The following NT5C2 variants were observed in gnomAD, a reference collection of about 807,000 sequenced individuals.
The protein encoded by NT5C2 is 5'-nucleotidase, cytosolic II.
In NT5C2, 58 loss-of-function variants were observed where a neutral mutation model predicts 76.1. That is an observed-to-expected ratio of 0.76 (90% CI 0.62 to 0.95). The LOEUF (loss-of-function observed/expected upper bound fraction) is 0.95, where lower values mean the gene tolerates loss of function less well. NT5C2 is among the 40% of genes least tolerant of loss of function. The probability of loss-of-function intolerance (pLI) is 0.00; values close to 1 mark genes in which losing one functional copy is unlikely to be tolerated. For missense variants in NT5C2, 478 were observed against 690.3 expected (o/e 0.69, Z 3.45); for synonymous variants, 229 against 237.4 (o/e 0.96, Z 0.32).
chr10:103,131,632 A>C (rs548566174), intron 4 of NT5C2, among the ~76,000 whole-genome samples: 1 of 152,346 alleles, frequency 6.6e-6, no homozygotes, highest in East Asian at 1.9e-4. Flanking sequence ...TAAAAGTCTC[A>C]AAGCAACGCC....
In NT5C2 at chr10:103,174,968, A is replaced by C; in HGVS notation, c.-10T>G. ...TCCAGGAGGTTGACATTTTATTTTAACTGTATTTTGTATTCTAGAAAAGAA... is the reference window on the plus strand; with the variant it reads ...TCCAGGAGGTTGACATTTTATTTTACCTGTATTTTGTATTCTAGAAAAGAA... On this transcript the variant is annotated 5_prime_UTR_variant, in exon 3 of 19. Coordinates refer to ENST00000404739, the MANE Select transcript of NT5C2 (RefSeq NM_001351169.2). 6.4e-7 allele frequency: 1 copy of C among 1,557,244 alleles called. No homozygotes were observed. The highest frequency in any genetic ancestry group is 1.1e-5 in the South Asian group (1 of 90,074).
At chr10:103,134,195 T>C (rs1301383053) in intron 4 of NT5C2, among the ~76,000 whole-genome samples, 1 of 152,130 alleles carries the variant, frequency 6.6e-6, no homozygotes, top group Admixed American at 6.5e-5. Flanking sequence ...CTAATGCTAA[T>C]CACCGAGACA....
intron 1 of NT5C2, among the ~76,000 whole-genome samples, chr10:103,190,408 A>G (rs1018710643): frequency 2.6e-5 from 4 of 151,992 alleles, no homozygotes; most frequent in African/African-American, 7.2e-5. Context: ...TCTTCTCCCT[A>G]CTCTGAAGTG....
chr10:103,180,596 T>C (rs2090877537), intron 2 of NT5C2, among the ~76,000 whole-genome samples: 1 of 152,100 alleles, frequency 6.6e-6, no homozygotes, highest in African/African-American at 2.4e-5. Flanking sequence ...TTGGGCATGG[T>C]AGCACATGCC....
chr10:103,096,282 A>G (rs1448802776), intron 11 of NT5C2, among the ~76,000 whole-genome samples: 1 of 152,212 alleles, frequency 6.6e-6, no homozygotes, highest in Non-Finnish European at 1.5e-5. Flanking sequence ...GAGAAAACTA[A>G]TGACTCACAC....
intron 1 of NT5C2, among the ~76,000 whole-genome samples, chr10:103,186,190 T>C (rs916120177): frequency 1.3e-5 from 2 of 152,224 alleles, no homozygotes; most frequent in African/African-American, 4.8e-5. Flanking sequence ...CAACTAGCTC[T>C]ACGACTAAGC....
chr10:103,126,437 T>C (rs1162967850), intron 4 of NT5C2, among the ~76,000 whole-genome samples: 2 of 152,020 alleles, frequency 1.3e-5, no homozygotes, highest in East Asian at 3.9e-4. Context: ...GCCTCGTCAA[T>C]ATGGTGAAAC....
In NT5C2 at chr10:103,191,446, T is replaced by C. The variant is rs2092638076; in HGVS notation, c.-169+1790A>G. ...AAAAAAAAACCTGTGTTTTATGTAC[T>C]CCTCTTTCCCCATAAAACAGGAGAA... is the stretch of plus-strand genomic sequence containing the variant. On this transcript the variant is annotated intron_variant, in intron 1 of 18. Transcript: ENST00000404739. Among the ~76,000 whole-genome samples the C allele has an allele frequency of 2.0e-5, 3 of 151,600 alleles. No homozygotes were observed. In the South Asian group the frequency reaches 6.2e-4, roughly 32 times the overall value.
intron 4 of NT5C2, among the ~76,000 whole-genome samples, chr10:103,118,314 T>C (rs1480803821): frequency 2.0e-5 from 3 of 152,118 alleles, no homozygotes; most frequent in South Asian, 2.1e-4. Flanking sequence ...AATCAGAACA[T>C]TGATACAATT....
intron 2 of NT5C2, among the ~76,000 whole-genome samples, chr10:103,177,012 G>A (rs1215810749): frequency 2.0e-5 from 3 of 150,570 alleles, no homozygotes; most frequent in African/African-American, 7.3e-5. Context: ...TTTTTAAGCT[G>A]CTAAAACCAT....
At chr10:103,094,610 A>G (rs376843342) in intron 12 of NT5C2, 155 bp from the exon 13 acceptor site, 3 of 600,330 alleles carry the variant, frequency 5.0e-6, no homozygotes, top group East Asian at 2.9e-5. Context: ...TCAGCCAGGC[A>G]CAGTGGCTCA....
At chr10:103,159,159 A>G (rs561441260) in intron 3 of NT5C2, among the ~76,000 whole-genome samples, 117 of 152,012 alleles carry the variant, frequency 7.7e-4, no homozygotes, top group Admixed American at 1.5e-3. Flanking sequence ...CTTGAGGCCA[A>G]GAGTTAGAGG....
chr10:103,174,606 T>A (rs1477629680), intron 3 of NT5C2, among the ~76,000 whole-genome samples: 3 of 151,560 alleles, frequency 2.0e-5, no homozygotes, highest in Non-Finnish European at 2.9e-5. Context: ...GAAAAAAAAA[T>A]TTTTATTAAC....
intron 3 of NT5C2, chr10:103,153,310 A>T: frequency 7.8e-7 from 1 of 1,282,306 alleles, no homozygotes; most frequent in Non-Finnish European, 1.0e-6. Context: ...GACATTCTCA[A>T]AGATCTACTT....
chr10:103,103,879 G>C (rs2070458794), intron 6 of NT5C2, among the ~76,000 whole-genome samples: 1 of 151,804 alleles, frequency 6.6e-6, no homozygotes, highest in African/African-American at 2.4e-5. Context: ...TTTGAGATAG[G>C]GTCTTGCTCT....
chr10:103,109,385 C>T (rs2135375625), intron 4 of NT5C2, among the ~76,000 whole-genome samples: 1 of 152,228 alleles, frequency 6.6e-6, no homozygotes, highest in African/African-American at 2.4e-5. Flanking sequence ...ATAAGTATAA[C>T]CACTCTCACC....
At chr10:103,105,831 T>G (rs766889693) in intron 5 of NT5C2, 30 bp from the exon 6 acceptor site, 1 of 1,433,226 alleles carries the variant, frequency 7.0e-7, no homozygotes, top group South Asian at 1.1e-5. Context: ...TTATTGATAA[T>G]GCAAAGTAAT....
At chr10:103,156,742 C>T (rs1247819102) in intron 3 of NT5C2, among the ~76,000 whole-genome samples, 3 of 134,410 alleles carry the variant, frequency 2.2e-5, no homozygotes, top group African/African-American at 5.7e-5. Context: ...GCAACAAGAG[C>T]GAAACTCTAT....
intron 3 of NT5C2, among the ~76,000 whole-genome samples, chr10:103,142,203 G>T (rs1373937556): frequency 5.9e-5 from 9 of 152,154 alleles, no homozygotes; most frequent in Non-Finnish European, 1.2e-4. Flanking sequence ...TCAAAATCCT[G>T]AAGATTTTGT....
Sources: gnomAD v4.1 joint callset for allele counts (sites outside exome capture counted in the v4.1 genomes callset) on GRCh38, gnomAD v4.1.1 for gene constraint, MANE v1.5 for transcripts, NCBI Gene and HGNC (gene_info 2026-07-23, HGNC 2026-07-21) for gene names.